Variants in QRSL1 observed in about 807,000 individuals in gnomAD.
The protein encoded by QRSL1 is glutaminyl-tRNA amidotransferase subunit QRSL1.
QRSL1 carries 54 observed loss-of-function variants against 61.6 expected under a neutral mutation model. The ratio of observed to expected loss-of-function variants is 0.88; its 90% CI spans 0.70 to 1.10. QRSL1 has a LOEUF of 1.10. Ranked by LOEUF, QRSL1 falls within the 50% of genes least tolerant of loss-of-function variation. QRSL1 has a pLI of 0.00. For missense variants in QRSL1, 505 were observed against 622.6 expected (o/e 0.81, Z 2.01); for synonymous variants, 228 against 225.7 (o/e 1.01, Z -0.09).
Position 106,667,598 on chromosome 6 carries a change from T to G in QRSL1, c.*1596T>G, listed in dbSNP as rs1309226193. ...GAGAAAATAATGAGTCAGAATCATC[T>G]GCAGAACCACTGGAATGTTTCATCG... On this transcript the variant is annotated 3_prime_UTR_variant, in exon 11 of 11. Transcript: ENST00000369046. The G allele has an allele frequency of 6.6e-6, 1 of 152,162 alleles. No homozygotes were observed. The highest frequency in any genetic ancestry group is 1.9e-4 in the East Asian group (1 of 5,196). The allele number at this position is 152,162 out of a possible 1,614,324, so 9.4% of individuals were successfully genotyped here. A position where few individuals can be genotyped will look rare whatever the true frequency, so the allele number is the denominator to read the frequency against.
chr6:106,661,868 C>T (rs542679471), intron 9 of QRSL1, among the ~76,000 whole-genome samples: 125 of 151,792 alleles, frequency 8.2e-4, no homozygotes, highest in African/African-American at 2.1e-3. Flanking sequence ...TGAGCCACCA[C>T]GCCCGGCTAA....
intron 10 of QRSL1, among the ~76,000 whole-genome samples, chr6:106,663,956 C>T (rs1408018074): frequency 6.6e-6 from 1 of 152,162 alleles, no homozygotes; most frequent in African/African-American, 2.4e-5. Context: ...CCCACACTCA[C>T]CACACAAACA....
chr6:106,658,933 C>T lies in QRSL1; in HGVS notation c.1160+3201C>T, dbSNP rs186826604. Among the ~76,000 whole-genome samples, 133 of 152,052 alleles carry T rather than the reference C, an allele frequency of 8.7e-4. 1 individual carries two copies. The highest frequency in any genetic ancestry group is 3.1e-3 in the African/African-American group (129 of 41,456). ...GTATATTAATCTGCCTGATGTTGTC[C>T]CACAGCTCACAGACACTACATTCTT... On this transcript the variant is annotated intron_variant, in intron 9 of 10. Coordinates refer to ENST00000369046, the MANE Select transcript of QRSL1 (RefSeq NM_018292.5).
intron 1 of QRSL1, among the ~76,000 whole-genome samples, chr6:106,634,107 G>T (rs772367483): frequency 3.3e-5 from 5 of 152,160 alleles, no homozygotes; most frequent in Admixed American, 6.5e-5. Context: ...ACTTAATAGA[G>T]ACCAGAAGGG....
intron 9 of QRSL1, among the ~76,000 whole-genome samples, chr6:106,661,686 C>CTTTTTTTTTTT (rs572306794): frequency 1.8e-5 from 1 of 55,070 alleles, no homozygotes; most frequent in Non-Finnish European, 3.3e-5. Context: ...ATGGTTAGTT[C>CTTTTTTTTTTT]TTTTTTTTTT....
chr6:106,653,750 G>A (rs930915156), intron 7 of QRSL1: 2 of 151,030 alleles, frequency 1.3e-5, no homozygotes, highest in Admixed American at 6.6e-5. Flanking sequence ...CTTGAGTCCA[G>A]GAGGTTGAGA....
intron 1 of QRSL1, among the ~76,000 whole-genome samples, chr6:106,631,034 G>A (rs1464889021): frequency 6.6e-6 from 1 of 152,128 alleles, no homozygotes; most frequent in Admixed American, 6.5e-5. Flanking sequence ...AGACCATCCT[G>A]GCTAACACGG....
At chr6:106,645,469 C>A (rs1042282732) in intron 4 of QRSL1, among the ~76,000 whole-genome samples, 11 of 151,892 alleles carry the variant, frequency 7.2e-5, no homozygotes, top group African/African-American at 2.4e-4. Flanking sequence ...GTCACCCAGA[C>A]TGGAGTGCAA....
intron 1 of QRSL1, among the ~76,000 whole-genome samples, chr6:106,636,604 C>T (rs899031573): frequency 6.6e-6 from 1 of 152,178 alleles, no homozygotes; most frequent in Non-Finnish European, 1.5e-5. Flanking sequence ...CAGGCATGAG[C>T]CACCGCGCCC....
rs750226450 is a variant in QRSL1 at position 106,665,941 on chromosome 6, T to A, written c.1526T>A (p.Met509Lys). ...CCTGTTATTCAACTTCAAGAACTCA[T>A]GGATGATTGTTCAGCAGTCCTTGAA... is the stretch of plus-strand genomic sequence containing the variant. ...QFPVIQLQEL[M>K]DDCSAVLENE... is the part of the protein sequence containing the mutation. Residue 509 changes from methionine to lysine, a missense_variant, in exon 11 of 11, where the codon ATG becomes AAG. By Grantham distance (95) the Met-to-Lys change is moderately conservative. Transcript: ENST00000369046. 6.2e-7 allele frequency: 1 copy of A among 1,613,994 alleles called. No homozygotes were observed. Among genetic ancestry groups the A allele is most frequent in the East Asian group, 2.2e-5 (1 of 44,892 alleles).
At chr6:106,655,529 A>AT (rs1472180035) in intron 8 of QRSL1, 86 bp from the exon 9 acceptor site, 1 of 790,670 alleles carries the variant, frequency 1.3e-6, no homozygotes, top group East Asian at 2.8e-5. Flanking sequence ...AAAAAAAAAA[A>AT]AAAAGTGAAT....
intron 9 of QRSL1, 65 bp downstream of exon 9, chr6:106,655,797 G>A (rs1777260261): frequency 2.0e-6 from 2 of 977,504 alleles, no homozygotes; most frequent in African/African-American, 3.3e-5. Flanking sequence ...CTCTTATCAG[G>A]TCTTATAAGT....
intron 2 of QRSL1, 34 bp downstream of exon 2, chr6:106,640,542 T>C: frequency 6.8e-7 from 1 of 1,476,074 alleles, no homozygotes; most frequent in Non-Finnish European, 9.1e-7. Context: ...AATTGTTATA[T>C]CTCCAGAGAA....
In QRSL1 at chr6:106,652,489, C is replaced by T. The variant is rs761379461; in HGVS notation, c.756C>T (p.Pro252=). 15 of 1,614,086 alleles carry T rather than the reference C, an allele frequency of 9.3e-6. No homozygotes were observed. The African/African-American group carries it at 1.7e-4, about 19-fold the overall frequency. ...CAGGTGCACTGGCCGGACCTGACCC[C>T]AGGGACTCTACCACAGTACATGAAC... ...IVLGALAGPD[P]RDSTTVHEPI... The change falls in exon 7 of 11, where the codon CCC becomes CCT. Residue 252 remains proline, a synonymous_variant. Transcript: ENST00000369046.
In QRSL1 at chr6:106,667,729, A is replaced by C. The variant is rs191104547; in HGVS notation, c.*1727A>C. On this transcript the variant is annotated 3_prime_UTR_variant, in exon 11 of 11. Coordinates refer to ENST00000369046, the MANE Select transcript of QRSL1 (RefSeq NM_018292.5). ...CATAAAAGTCTTATGTGCCAGGCTT[A>C]GTAATATTCCTATAGATTTTGACTC... 91 of 152,270 alleles carry C rather than the reference A, an allele frequency of 6.0e-4. No individual in the cohort carries two copies. Among genetic ancestry groups the C allele is most frequent in the African/African-American group, 2.1e-3 (88 of 41,544 alleles). The allele number at this position is 152,270 out of a possible 1,614,324, so 9.4% of individuals were successfully genotyped here.
chr6:106,650,521 CCTTATTTTTGATTTG>C, intron 5 of QRSL1, among the ~76,000 whole-genome samples: 1 of 151,296 alleles, frequency 6.6e-6, no homozygotes, highest in Admixed American at 6.6e-5. Context: ...GCTTTTGTTT[CCTTATTTTTGATTTG>C]TTTACCCCTT....
chr6:106,662,857 C>T, intron 9 of QRSL1, 123 bp from the exon 10 acceptor site: 1 of 897,430 alleles, frequency 1.1e-6, no homozygotes, highest in Non-Finnish European at 1.7e-6. Flanking sequence ...ACAGGCAAGC[C>T]AAACTTTTTA....
At chr6:106,632,722 A>G (rs556877377) in intron 1 of QRSL1, among the ~76,000 whole-genome samples, 4 of 152,282 alleles carry the variant, frequency 2.6e-5, no homozygotes, top group East Asian at 3.9e-4. Context: ...TGTTGAGCAC[A>G]TTTTCATATA....
At chr6:106,654,054 T>C (rs535595426) in intron 7 of QRSL1, among the ~76,000 whole-genome samples, 1 of 152,156 alleles carries the variant, frequency 6.6e-6, no homozygotes, top group South Asian at 2.1e-4. Context: ...AGAGAATCTT[T>C]GAAAATCATC....
Sources: allele counts gnomAD v4.1 joint callset (sites outside exome capture counted in the v4.1 genomes callset), GRCh38; gene constraint gnomAD v4.1.1; transcripts MANE v1.5; gene names NCBI Gene and HGNC (gene_info 2026-07-23, HGNC 2026-07-21).